The following LPP variants were observed in gnomAD, a reference collection of about 807,000 sequenced individuals.
LPP encodes the protein LIM domain containing preferred translocation partner in lipoma.
LPP carries 38 observed loss-of-function variants against 60.4 expected under a neutral mutation model. The observed-to-expected ratio is 0.63, with a 90% confidence interval of 0.49 to 0.83. The LOEUF (loss-of-function observed/expected upper bound fraction) is 0.83. Ranked by LOEUF, LPP falls within the 40% of genes least tolerant of loss-of-function variation. LPP has a pLI of 0.00. For synonymous variants in LPP, 328 were observed against 290.8 expected (o/e 1.13, Z -1.30); for missense variants, 902 against 783.6 (o/e 1.15, Z -1.80).
intron 2 of LPP, among the ~76,000 whole-genome samples, chr3:188,284,265 G>C (rs1272289987): frequency 3.3e-5 from 5 of 152,006 alleles, no homozygotes; most frequent in Non-Finnish European, 7.4e-5. Flanking sequence ...AGCTCTTACA[G>C]AGCTGGAAGT....
intron 5 of LPP, among the ~76,000 whole-genome samples, chr3:188,492,753 T>C (rs1278018362): frequency 2.0e-5 from 3 of 152,150 alleles, no homozygotes; most frequent in Non-Finnish European, 4.4e-5. Context: ...GTAGATTAGA[T>C]ATTTTCAAAT....
At chr3:188,659,656 C>T (rs542999882) in intron 7 of LPP, among the ~76,000 whole-genome samples, 6 of 152,182 alleles carry the variant, frequency 3.9e-5, no homozygotes, top group African/African-American at 1.2e-4. Context: ...TAACTCCCCA[C>T]GGATTGCTAC....
intron 6 of LPP, among the ~76,000 whole-genome samples, chr3:188,606,702 A>T (rs1484155385): frequency 6.6e-6 from 1 of 152,132 alleles, no homozygotes; most frequent in African/African-American, 2.4e-5. Context: ...AGACTCCAAC[A>T]TTCTATTACA....
chr3:188,402,297 C>T (rs1407765314), intron 3 of LPP, among the ~76,000 whole-genome samples: 1 of 151,994 alleles, frequency 6.6e-6, no homozygotes, highest in Non-Finnish European at 1.5e-5. Context: ...ATTATATGTA[C>T]ACAAATTATA....
chr3:188,566,284 T>C (rs2150762386), intron 6 of LPP, among the ~76,000 whole-genome samples: 1 of 152,036 alleles, frequency 6.6e-6, no homozygotes, highest in Admixed American at 6.6e-5. Context: ...ATCTTGACTT[T>C]CATATGTGGG....
At chr3:188,675,606 C>T (rs1857884486) in intron 7 of LPP, among the ~76,000 whole-genome samples, 1 of 152,168 alleles carries the variant, frequency 6.6e-6, no homozygotes, top group African/African-American at 2.4e-5. Flanking sequence ...TTTCTACTGT[C>T]GAGTGGCTTT....
At chr3:188,811,153 A>G (rs772659910) in intron 9 of LPP, among the ~76,000 whole-genome samples, 9 of 152,120 alleles carry the variant, frequency 5.9e-5, no homozygotes, top group African/African-American at 1.7e-4. Flanking sequence ...TCAATGAAGT[A>G]TAACTCATAG....
At chr3:188,723,767 C>CTG (rs1161684439) in intron 8 of LPP, among the ~76,000 whole-genome samples, 1 of 151,980 alleles carries the variant, frequency 6.6e-6, no homozygotes, top group Non-Finnish European at 1.5e-5. Flanking sequence ...GAAAAAAACT[C>CTG]TAATTCCTAA....
At chr3:188,506,676 A>G (rs950755242) in intron 5 of LPP, among the ~76,000 whole-genome samples, 24 of 152,316 alleles carry the variant, frequency 1.6e-4, no homozygotes, top group African/African-American at 5.5e-4. Flanking sequence ...AACCACAACT[A>G]GAGATTTCTG....
intron 2 of LPP, among the ~76,000 whole-genome samples, chr3:188,232,609 C>T (rs1720490165): frequency 6.6e-6 from 1 of 151,320 alleles, no homozygotes. Context: ...CCTCCTTGGC[C>T]TCCAAAAGTG....
At chr3:188,264,786 C>CTG (rs1314273038) in intron 2 of LPP, among the ~76,000 whole-genome samples, 8 of 134,360 alleles carry the variant, frequency 6.0e-5, no homozygotes, top group African/African-American at 1.6e-4. Context: ...CTCTCTCTCT[C>CTG]TCTGTGTGTG....
intron 7 of LPP, among the ~76,000 whole-genome samples, chr3:188,640,195 A>G (rs1198535869): frequency 4.6e-5 from 7 of 151,338 alleles, no homozygotes; most frequent in Non-Finnish European, 8.8e-5. Flanking sequence ...GCCATAAAAA[A>G]TGATGAGTTC....
intron 9 of LPP, among the ~76,000 whole-genome samples, chr3:188,860,259 A>G (rs556046987): frequency 1.4e-4 from 22 of 152,310 alleles, no homozygotes; most frequent in Non-Finnish European, 2.9e-4. Context: ...TTTTTATTCC[A>G]TAATTAAGTT....
intron 2 of LPP, among the ~76,000 whole-genome samples, chr3:188,269,895 A>G (rs112912841): frequency 0.11 from 17,305 of 152,016 alleles, 1,339 homozygotes; most frequent in African/African-American, 0.21. Context: ...TGATCCACCC[A>G]CCTTGGCCTC....
At chr3:188,564,918 C>T (rs1473351737) in intron 6 of LPP, among the ~76,000 whole-genome samples, 3 of 151,946 alleles carry the variant, frequency 2.0e-5, no homozygotes, top group South Asian at 2.1e-4. Context: ...CTAGGATGTT[C>T]GTTATATGAT....
intron 7 of LPP, among the ~76,000 whole-genome samples, chr3:188,635,404 C>G (rs956965964): frequency 1.3e-5 from 2 of 152,156 alleles, no homozygotes; most frequent in African/African-American, 4.8e-5. Flanking sequence ...ACAGCTTGTT[C>G]TCAAGAGGTT....
At chr3:188,290,065 C>A (rs111929139) in intron 2 of LPP, among the ~76,000 whole-genome samples, 3,448 of 152,002 alleles carry the variant, frequency 0.023, 58 homozygotes, top group Non-Finnish European at 0.031. Flanking sequence ...CTTGGCCTCC[C>A]GGGTTCAAGT....
intron 1 of LPP, among the ~76,000 whole-genome samples, chr3:188,194,065 C>T (rs1728882785): frequency 6.6e-6 from 1 of 152,134 alleles, no homozygotes; most frequent in Non-Finnish European, 1.5e-5. Flanking sequence ...TTGTTTCTTC[C>T]CTGAAAAAAT....
intron 2 of LPP, among the ~76,000 whole-genome samples, chr3:188,267,868 C>T (rs574123011): frequency 1.5e-4 from 23 of 152,136 alleles, no homozygotes; most frequent in Non-Finnish European, 2.2e-4. Flanking sequence ...TAAACCCGGG[C>T]TTGCGTGTCT....
Sources: allele counts gnomAD v4.1 joint callset (sites outside exome capture counted in the v4.1 genomes callset), GRCh38; gene constraint gnomAD v4.1.1; transcripts MANE v1.5; gene names NCBI Gene and HGNC (gene_info 2026-07-23, HGNC 2026-07-21).